The following XKR4 variants were observed in gnomAD, a reference collection of about 807,000 sequenced individuals.
The protein encoded by XKR4 is XK related 4, also known as XK-related protein 4.
In XKR4, 12 loss-of-function variants were observed where a neutral mutation model predicts 53.9. That is an observed-to-expected ratio of 0.22 (90% confidence interval 0.14 to 0.36). XKR4 has a LOEUF of 0.36. XKR4 is among the 10% of genes least tolerant of loss of function. The probability of loss-of-function intolerance (pLI) is 1.00; values close to 1 mark genes in which losing one functional copy is unlikely to be tolerated. For synonymous variants in XKR4, 354 were observed against 362.4 expected (o/e 0.98, Z 0.26); for missense variants, 799 against 859.5 (o/e 0.93, Z 0.88).
At chr8:55,375,146 G>A (rs1234276994) in intron 2 of XKR4, among the ~76,000 whole-genome samples, 3 of 152,226 alleles carry the variant, frequency 2.0e-5, no homozygotes, top group Non-Finnish European at 4.4e-5. Flanking sequence ...GTGTGGCCTT[G>A]AGTGTGTGAC....
intron 1 of XKR4, among the ~76,000 whole-genome samples, chr8:55,304,686 T>C (rs1392870381): frequency 3.9e-5 from 6 of 152,184 alleles, no homozygotes; most frequent in Non-Finnish European, 8.8e-5. Flanking sequence ...TGCTTCTGTA[T>C]TGGGTGCATA....
chr8:55,440,495 T>C, intron 2 of XKR4, among the ~76,000 whole-genome samples: 1 of 152,032 alleles, frequency 6.6e-6, no homozygotes, highest in East Asian at 1.9e-4. Context: ...ATTTGGGAGG[T>C]GGGCAAATAT....
chr8:55,180,045 A>G (rs1001477213), intron 1 of XKR4, among the ~76,000 whole-genome samples: 1 of 152,226 alleles, frequency 6.6e-6, no homozygotes, highest in Non-Finnish European at 1.5e-5. Context: ...TTATAATTAT[A>G]TGCATAATAA....
At chr8:55,314,706 T>A (rs139377071) in intron 1 of XKR4, among the ~76,000 whole-genome samples, 1 of 152,268 alleles carries the variant, frequency 6.6e-6, no homozygotes, top group Admixed American at 6.5e-5. Context: ...GTGTGCACAT[T>A]AGGGCAATTG....
intron 2 of XKR4, among the ~76,000 whole-genome samples, chr8:55,421,541 C>G (rs1804932354): frequency 6.6e-6 from 1 of 152,208 alleles, no homozygotes; most frequent in Non-Finnish European, 1.5e-5. Context: ...CTCTCTCTCT[C>G]TCTCTGTCTT....
At chr8:55,335,116 G>C (rs1803440991) in intron 1 of XKR4, among the ~76,000 whole-genome samples, 1 of 152,156 alleles carries the variant, frequency 6.6e-6, no homozygotes, top group South Asian at 2.1e-4. Flanking sequence ...TCTAAACTCA[G>C]ATGGCTGCTG....
At chr8:55,368,942 C>G (rs959293572) in intron 2 of XKR4, among the ~76,000 whole-genome samples, 1 of 152,192 alleles carries the variant, frequency 6.6e-6, no homozygotes, top group Non-Finnish European at 1.5e-5. Context: ...ATTTGTAAAA[C>G]TTTTACATAT....
rs1807009726 is a variant in XKR4, at chr8:55,534,868, C to G, written c.*10641C>G. On this transcript the variant is annotated 3_prime_UTR_variant, in exon 3 of 3. Transcript: ENST00000327381. ...AGAGTATGCAAGAGAGTCGGGCCTT[C>G]ATATGTTCTTGTAAAGTTTTCTGTC... is the stretch of plus-strand genomic sequence containing the variant. 1 of 150,986 alleles carries G rather than the reference C, an allele frequency of 6.6e-6. No individual in the cohort carries two copies. Among genetic ancestry groups the G allele is most frequent in the African/African-American group, 2.4e-5 (1 of 40,998 alleles). 9.4% of individuals were successfully genotyped at this position (150,986 alleles called of 1,614,324 possible). A position where few individuals can be genotyped will look rare whatever the true frequency, so the allele number is the denominator to read the frequency against.
At chr8:55,287,447 T>C (rs1261815110) in intron 1 of XKR4, among the ~76,000 whole-genome samples, 1 of 152,228 alleles carries the variant, frequency 6.6e-6, no homozygotes, top group Non-Finnish European at 1.5e-5. Context: ...GCGTACCCAT[T>C]AGGAATCCCA....
intron 1 of XKR4, among the ~76,000 whole-genome samples, chr8:55,200,367 C>T (rs1817564522): frequency 6.6e-6 from 1 of 152,190 alleles, no homozygotes; most frequent in South Asian, 2.1e-4. Flanking sequence ...TGCGCCCGGC[C>T]AGTCTATATC....
chr8:55,377,324 G>A (rs1459153961), intron 2 of XKR4, among the ~76,000 whole-genome samples: 1 of 152,170 alleles, frequency 6.6e-6, no homozygotes, highest in South Asian at 2.1e-4. Context: ...AGAATTTGCT[G>A]AGACAATGTG....
chr8:55,451,420 C>G, intron 2 of XKR4: 1 of 1,129,862 alleles, frequency 8.9e-7, no homozygotes, highest in Non-Finnish European at 1.3e-6. Context: ...ACTGGAGTAG[C>G]GGGGCATGGA....
chr8:55,260,454 T>C (rs2129371054), intron 1 of XKR4, among the ~76,000 whole-genome samples: 1 of 152,352 alleles, frequency 6.6e-6, no homozygotes, highest in African/African-American at 2.4e-5. Context: ...AGTATTGTTG[T>C]CTGGTGTAAA....
At chr8:55,311,424 C>A (rs1363787014) in intron 1 of XKR4, among the ~76,000 whole-genome samples, 1 of 152,122 alleles carries the variant, frequency 6.6e-6, no homozygotes, top group Non-Finnish European at 1.5e-5. Flanking sequence ...GAGGGTCCAG[C>A]CAGCTGAAGA....
chr8:55,496,706 T>C (rs1806355966), intron 2 of XKR4, among the ~76,000 whole-genome samples: 1 of 152,232 alleles, frequency 6.6e-6, no homozygotes, highest in Non-Finnish European at 1.5e-5. Context: ...TATTTGAATC[T>C]CTATATGTTA....
intron 2 of XKR4, chr8:55,454,258 A>C: frequency 7.8e-7 from 1 of 1,278,228 alleles, no homozygotes; most frequent in East Asian, 2.3e-5. Context: ...GATCAGCTAC[A>C]ATCACGTCTA....
chr8:55,104,670 T>C (rs1816114041), intron 1 of XKR4, among the ~76,000 whole-genome samples: 1 of 152,186 alleles, frequency 6.6e-6, no homozygotes, highest in African/African-American at 2.4e-5. Flanking sequence ...CCTTCCAGAT[T>C]GTGAAACATT....
At chr8:55,349,657 T>C (rs752479176) in intron 1 of XKR4, among the ~76,000 whole-genome samples, 1 of 152,074 alleles carries the variant, frequency 6.6e-6, no homozygotes, top group Non-Finnish European at 1.5e-5. Context: ...GAATAATAAA[T>C]ACAAGAGGCT....
At position 55,405,512 on chromosome 8, in the gene XKR4, G is replaced by A. The variant is rs73591616; in HGVS notation, c.1006+47635G>A. 2.4e-3 allele frequency among the ~76,000 whole-genome samples: 364 copies of A among 152,298 alleles called. 2 individuals carry two copies. The highest frequency in any genetic ancestry group is 8.1e-3 in the African/African-American group (337 of 41,560). On this transcript the variant is annotated intron_variant, in intron 2 of 2. Coordinates refer to ENST00000327381, the MANE Select transcript of XKR4 (RefSeq NM_052898.2). ...TCTTGGCTTCCAAGATTCTATCAGT[G>A]CAGAGAAACAGCTTAAGAGAGAACA... is the stretch of plus-strand genomic sequence containing the variant.
Sources: gnomAD v4.1 joint callset for allele counts (sites outside exome capture counted in the v4.1 genomes callset) on GRCh38, gnomAD v4.1.1 for gene constraint, MANE v1.5 for transcripts, NCBI Gene and HGNC (gene_info 2026-07-23, HGNC 2026-07-21) for gene names.